GNA14: variants seen among roughly 807,000 people sequenced by gnomAD.
GNA14 encodes the protein G protein subunit alpha 14, also known as guanine nucleotide-binding protein subunit alpha-14.
A neutral mutation model predicts 42.0 loss-of-function variants in GNA14; 50 were observed. That is an observed-to-expected ratio of 1.19 (90% CI 0.95 to 1.51). The LOEUF is 1.51. Ranked by LOEUF, GNA14 falls within the 40% of genes most tolerant of loss-of-function variation. The pLI is 0.00. For synonymous variants in GNA14, 173 were observed against 163.1 expected (o/e 1.06, Z -0.46); for missense variants, 473 against 446.2 (o/e 1.06, Z -0.54).
rs1017565193 is a variant in GNA14 at position 77,583,264 on chromosome 9, G to A, written c.125-54011C>T. Among the ~76,000 whole-genome samples, 3 of 152,166 alleles carry A rather than the reference G, an allele frequency of 2.0e-5. No homozygotes were observed. In the East Asian group the frequency reaches 5.8e-4, roughly 29 times the overall value. On this transcript the variant is annotated intron_variant, in intron 1 of 6. Coordinates refer to ENST00000341700, the MANE Select transcript of GNA14 (RefSeq NM_004297.4). Reference sequence around the variant, plus strand: ...GATATAAGGGGCTGGGAACAGAGAAGAAAACAATCAAGGAAGACAAGAAAG... The same window carrying A: ...GATATAAGGGGCTGGGAACAGAGAAAAAAACAATCAAGGAAGACAAGAAAG...
At chr9:77,451,357 T>A (rs1055917688) in intron 2 of GNA14, among the ~76,000 whole-genome samples, 2 of 152,216 alleles carry the variant, frequency 1.3e-5, no homozygotes, top group Admixed American at 1.3e-4. Context: ...ACATTCTTTT[T>A]TCAAAGTATA....
chr9:77,525,082 T>C (rs1216390246), intron 2 of GNA14, among the ~76,000 whole-genome samples: 1 of 152,224 alleles, frequency 6.6e-6, no homozygotes, highest in South Asian at 2.1e-4. Flanking sequence ...TCAACTGTAT[T>C]CTTAACTTAC....
intron 2 of GNA14, among the ~76,000 whole-genome samples, chr9:77,503,267 C>T (rs971907100): frequency 6.6e-6 from 1 of 152,156 alleles, no homozygotes; most frequent in African/African-American, 2.4e-5. Flanking sequence ...GGGTGATCAA[C>T]GGTGCCCACT....
At chr9:77,611,943 G>A (rs931746808) in intron 1 of GNA14, among the ~76,000 whole-genome samples, 1 of 152,002 alleles carries the variant, frequency 6.6e-6, no homozygotes, top group Non-Finnish European at 1.5e-5. Context: ...CCCCCAAAAT[G>A]TAAAGTACTA....
intron 1 of GNA14, among the ~76,000 whole-genome samples, chr9:77,596,610 A>G (rs970479631): frequency 3.9e-5 from 6 of 152,268 alleles, no homozygotes; most frequent in African/African-American, 1.2e-4. Context: ...AATAGGAAGA[A>G]GAGATTATAC....
At chr9:77,453,083 T>C (rs1361055055) in intron 2 of GNA14, among the ~76,000 whole-genome samples, 1 of 152,146 alleles carries the variant, frequency 6.6e-6, no homozygotes, top group Non-Finnish European at 1.5e-5. Flanking sequence ...GAGGTTACAG[T>C]GAGCCATGAT....
At chr9:77,617,239 G>T (rs1215002523) in intron 1 of GNA14, among the ~76,000 whole-genome samples, 1 of 152,044 alleles carries the variant, frequency 6.6e-6, no homozygotes, top group Non-Finnish European at 1.5e-5. Flanking sequence ...ACCTGAAAAT[G>T]TCTAAAAACA....
chr9:77,514,673 G>A (rs1837221337), intron 2 of GNA14, among the ~76,000 whole-genome samples: 1 of 149,816 alleles, frequency 6.7e-6, no homozygotes, highest in Non-Finnish European at 1.5e-5. Flanking sequence ...GAGTGCAGTG[G>A]TGCGATCTCG....
chr9:77,567,476 T>C (rs779316225), intron 1 of GNA14, among the ~76,000 whole-genome samples: 1 of 152,116 alleles, frequency 6.6e-6, no homozygotes, highest in African/African-American at 2.4e-5. Context: ...GCAGGCAAAA[T>C]AAGATGAGAG....
chr9:77,597,465 A>G (rs1445839382), intron 1 of GNA14, among the ~76,000 whole-genome samples: 1 of 152,028 alleles, frequency 6.6e-6, no homozygotes, highest in Admixed American at 6.5e-5. Flanking sequence ...ACCAGACACC[A>G]TGCTCAATCA....
chr9:77,451,441 G>A (rs1020432323), intron 2 of GNA14, among the ~76,000 whole-genome samples: 1 of 152,156 alleles, frequency 6.6e-6, no homozygotes, highest in Admixed American at 6.5e-5. Context: ...ACTTAGCTGA[G>A]GATGTAAAGG....
intron 2 of GNA14, among the ~76,000 whole-genome samples, chr9:77,508,213 C>G (rs1419919863): frequency 6.6e-6 from 1 of 152,180 alleles, no homozygotes; most frequent in Non-Finnish European, 1.5e-5. Context: ...GAAAATACAT[C>G]TAGAAAATGC....
intron 2 of GNA14, among the ~76,000 whole-genome samples, chr9:77,462,320 G>C (rs1370600574): frequency 1.3e-5 from 2 of 152,174 alleles, no homozygotes; most frequent in Admixed American, 6.5e-5. Flanking sequence ...TACCAGTGAG[G>C]GGGGAATCCT....
At chr9:77,552,309 G>A (rs1025258999) in intron 1 of GNA14, among the ~76,000 whole-genome samples, 1 of 152,038 alleles carries the variant, frequency 6.6e-6, no homozygotes, top group African/African-American at 2.4e-5. Context: ...GCTTTGAGAG[G>A]CTGAGAGATG....
intron 1 of GNA14, among the ~76,000 whole-genome samples, chr9:77,599,059 A>G (rs1490752805): frequency 6.6e-6 from 1 of 152,226 alleles, no homozygotes; most frequent in Non-Finnish European, 1.5e-5. Context: ...AAATATGAAA[A>G]TATATAAACA....
intron 1 of GNA14, among the ~76,000 whole-genome samples, chr9:77,575,575 T>C (rs1239273227): frequency 6.6e-6 from 1 of 152,160 alleles, no homozygotes; most frequent in Admixed American, 6.5e-5. Flanking sequence ...CTGATATCGG[T>C]CTCCTATTTC....
rs569620925 is a variant in GNA14, at chr9:77,424,391, T to G, written c.878-222A>C. Among the ~76,000 whole-genome samples the G allele has an allele frequency of 2.6e-5, 4 of 152,214 alleles. No homozygotes were observed. The East Asian group carries it at 7.7e-4, about 29-fold the overall frequency. ...ATGCGTACCACCACACACAGCTAATTTTTGTATTTTTAGTAGAAACGGGGT... is the reference window on the plus strand; with the variant it reads ...ATGCGTACCACCACACACAGCTAATGTTTGTATTTTTAGTAGAAACGGGGT... On this transcript the variant is annotated intron_variant, in intron 6 of 6. Coordinates refer to ENST00000341700, the MANE Select transcript of GNA14 (RefSeq NM_004297.4).
chr9:77,499,054 G>A (rs1449351969), intron 2 of GNA14, among the ~76,000 whole-genome samples: 1 of 152,144 alleles, frequency 6.6e-6, no homozygotes, highest in Non-Finnish European at 1.5e-5. Context: ...CCAGATTTGG[G>A]AGAACAATGG....
intron 2 of GNA14, among the ~76,000 whole-genome samples, chr9:77,502,599 C>T (rs1836993596): frequency 6.6e-6 from 1 of 152,086 alleles, no homozygotes; most frequent in Admixed American, 6.6e-5. Context: ...GTTGGGGTGG[C>T]CTTGTTAATG....
Sources: gnomAD v4.1 joint callset for allele counts (sites outside exome capture counted in the v4.1 genomes callset) on GRCh38, gnomAD v4.1.1 for gene constraint, MANE v1.5 for transcripts, NCBI Gene and HGNC (gene_info 2026-07-23, HGNC 2026-07-21) for gene names.